Variants in GNB4 observed in about 807,000 individuals in gnomAD.
GNB4 encodes G protein subunit beta 4.
GNB4 carries 28 observed loss-of-function variants against 45.2 expected under a neutral mutation model. The ratio of observed to expected loss-of-function variants is 0.62; its 90% CI spans 0.46 to 0.85. GNB4 has a LOEUF of 0.85. Ranked by LOEUF, GNB4 falls within the 40% of genes least tolerant of loss-of-function variation. GNB4 has a pLI of 0.00. For missense variants in GNB4, 321 were observed against 425.4 expected (o/e 0.75, Z 2.16); for synonymous variants, 132 against 143.7 (o/e 0.92, Z 0.58).
At chr3:179,418,443 C>T (rs1714866333) in intron 4 of GNB4, among the ~76,000 whole-genome samples, 1 of 134,740 alleles carries the variant, frequency 7.4e-6, no homozygotes, top group African/African-American at 2.7e-5. Context: ...GTACTCCAGC[C>T]TGGGCAACAA....
At chr3:179,454,813 CG>C (rs1715955127), upstream of GNB4, among the ~76,000 whole-genome samples, 1 of 151,856 alleles carries the variant, frequency 6.6e-6, no homozygotes, top group South Asian at 2.1e-4. Context: ...TCACAACTAC[CG>C]TAACAGATTT....
At chr3:179,430,765 A>G (rs1333514673) in intron 1 of GNB4, among the ~76,000 whole-genome samples, 1 of 151,792 alleles carries the variant, frequency 6.6e-6, no homozygotes, top group African/African-American at 2.4e-5. Context: ...CCCCTCCACC[A>G]GTGATTTAAA....
chr3:179,524,798 G>A, the GNB4 span, among the ~76,000 whole-genome samples: 1 of 152,136 alleles, frequency 6.6e-6, no homozygotes, highest in African/African-American at 2.4e-5. Context: ...TAAAGAAAAA[G>A]GAGCATTAAC....
At chr3:179,413,279 A>C (rs1029621533) in intron 8 of GNB4, 133 bp downstream of exon 8, 2 of 679,640 alleles carry the variant, frequency 2.9e-6, no homozygotes, top group Non-Finnish European at 5.1e-6. Flanking sequence ...AACCCTTATG[A>C]CTTGGAGATT....
intron 1 of GNB4, among the ~76,000 whole-genome samples, chr3:179,435,869 A>G (rs1477997440): frequency 1.3e-5 from 2 of 152,268 alleles, no homozygotes; most frequent in African/African-American, 2.4e-5. Context: ...AAAATGGAAA[A>G]AAATACACTT....
At chr3:179,497,578 G>T in the GNB4 span, among the ~76,000 whole-genome samples, 1 of 152,062 alleles carries the variant, frequency 6.6e-6, no homozygotes, top group East Asian at 1.9e-4. Flanking sequence ...CTATCGGATG[G>T]GAGAAAAATT....
the GNB4 span, among the ~76,000 whole-genome samples, chr3:179,484,984 C>T: frequency 6.8e-6 from 1 of 146,284 alleles, no homozygotes; most frequent in Admixed American, 6.8e-5. Context: ...ATTCAGTGTT[C>T]ATGGCAACTT....
chr3:179,513,023 C>CG, the GNB4 span, among the ~76,000 whole-genome samples: 5 of 151,090 alleles, frequency 3.3e-5, no homozygotes, highest in Admixed American at 3.3e-4. Context: ...TCGTGGAACT[C>CG]GGGGATGGCT....
the GNB4 span, among the ~76,000 whole-genome samples, chr3:179,518,932 T>C: frequency 0.87 from 131,744 of 152,200 alleles, 57,291 homozygotes; most frequent in East Asian, 1. Context: ...CCTCAAACCC[T>C]GCAACAGGAC....
At chr3:179,415,646 G>A (rs1052533410) in intron 5 of GNB4, among the ~76,000 whole-genome samples, 1 of 145,594 alleles carries the variant, frequency 6.9e-6, no homozygotes, top group Non-Finnish European at 1.5e-5. Context: ...GAAAAAAGGT[G>A]TATGAGAATA....
the GNB4 span, among the ~76,000 whole-genome samples, chr3:179,459,636 C>G: frequency 1.3e-5 from 2 of 150,774 alleles, no homozygotes; most frequent in East Asian, 2.0e-4. Context: ...GAGCCGAGAT[C>G]GTGCCATTGC....
intron 8 of GNB4, among the ~76,000 whole-genome samples, chr3:179,408,104 T>C (rs1250590266): frequency 6.6e-6 from 1 of 152,120 alleles, no homozygotes; most frequent in African/African-American, 2.4e-5. Flanking sequence ...AATATAAAAT[T>C]ATCTAGCATC....
rs369578916 is a variant in GNB4 at position 179,436,168 on chromosome 3, G to C, written c.-42-9926C>G. On this transcript the variant is annotated intron_variant, in intron 1 of 9. Transcript: ENST00000232564. ...AATCCCAGCACTTTGGGAGGCCAAG[G>C]CAGGTAGATCGCCTGAGGCAGGGAG... Among the ~76,000 whole-genome samples, 35 of 152,310 alleles carry C rather than the reference G, an allele frequency of 2.3e-4. No homozygotes were observed. In the East Asian group the frequency reaches 6.0e-3, roughly 26 times the overall value.
intron 1 of GNB4, among the ~76,000 whole-genome samples, chr3:179,445,176 TAGAG>T (rs1238363077): frequency 4.6e-5 from 7 of 152,194 alleles, no homozygotes; most frequent in Non-Finnish European, 5.9e-5. Context: ...ATCTGTTCCA[TAGAG>T]AAAGTAGATT....
chr3:179,501,844 T>A, the GNB4 span, among the ~76,000 whole-genome samples: 1 of 152,220 alleles, frequency 6.6e-6, no homozygotes, highest in Non-Finnish European at 1.5e-5. Context: ...AAGTTTAGCA[T>A]CTGACCTCTT....
At chr3:179,464,878 C>A in the GNB4 span, 11 of 1,409,446 alleles carry the variant, frequency 7.8e-6, no homozygotes, top group Non-Finnish European at 1.1e-5. Context: ...CTACCCCATG[C>A]GGTGTGTGGG....
chr3:179,428,146 C>T (rs1196477634), intron 1 of GNB4, among the ~76,000 whole-genome samples: 3 of 152,140 alleles, frequency 2.0e-5, no homozygotes, highest in Non-Finnish European at 4.4e-5. Flanking sequence ...TCAGAATTCA[C>T]TTTGTATTTA....
the GNB4 span, among the ~76,000 whole-genome samples, chr3:179,514,193 G>A: frequency 6.6e-5 from 10 of 152,162 alleles, no homozygotes; most frequent in African/African-American, 1.9e-4. Flanking sequence ...CCATCAGGGC[G>A]GACTAGGACA....
chr3:179,437,782 A>G (rs929447536), intron 1 of GNB4: 1 of 152,064 alleles, frequency 6.6e-6, no homozygotes, highest in African/African-American at 2.4e-5. Flanking sequence ...CAAAGGCAGG[A>G]TAGGCCAGGC....
Sources: gnomAD v4.1 joint callset for allele counts (sites outside exome capture counted in the v4.1 genomes callset) on GRCh38, gnomAD v4.1.1 for gene constraint, MANE v1.5 for transcripts, NCBI Gene and HGNC (gene_info 2026-07-23, HGNC 2026-07-21) for gene names.